Variants in DYNC2H1 observed in about 807,000 individuals in gnomAD.
DYNC2H1 encodes the protein cytoplasmic dynein 2 heavy chain 1.
Under a neutral mutation model 570.0 loss-of-function variants are expected in DYNC2H1, and 410 were observed. The observed-to-expected ratio is 0.72, with a 90% CI of 0.66 to 0.78. DYNC2H1 has a LOEUF of 0.78. Ranked by LOEUF, DYNC2H1 falls within the 30% of genes least tolerant of loss-of-function variation. DYNC2H1 has a pLI of 0.00. For synonymous variants in DYNC2H1, 1,688 were observed against 1,677.6 expected, an observed-to-expected ratio of 1.01 and a Z score of -0.15; for missense variants, 4,865 against 5,046.4, an observed-to-expected ratio of 0.96 and a Z score of 1.09.
At position 103,113,708 on chromosome 11, in the gene DYNC2H1, G is replaced by T; in HGVS notation, c.366+1G>T. ...AGTATTCGCACCAATGTTGTTAAAGGTGAGAAAAGAAGCTGTCATTTTTTT... is the reference window on the plus strand; with the variant it reads ...AGTATTCGCACCAATGTTGTTAAAGTTGAGAAAAGAAGCTGTCATTTTTTT... On this transcript the variant is annotated splice_donor_variant, in intron 2 of 88. Transcript: ENST00000375735. LOFTEE classifies it high-confidence loss of function. 1 of 1,502,930 alleles carries T rather than the reference G, an allele frequency of 6.7e-7. No homozygotes were observed. The highest frequency in any genetic ancestry group is 8.8e-7 in the Non-Finnish European group (1 of 1,134,362). The allele number at this position is 1,502,930 out of a possible 1,614,324, so 93.1% of individuals were successfully genotyped here. A position where few individuals can be genotyped will look rare whatever the true frequency, so the allele number is the denominator to read the frequency against.
Position 103,116,576 on chromosome 11 carries a change from T to G in DYNC2H1, c.628T>G (p.Tyr210Asp), listed in dbSNP as rs560186247. 2 of 1,573,878 alleles carry G rather than the reference T, an allele frequency of 1.3e-6. No individual in the cohort carries two copies. Among genetic ancestry groups the G allele is most frequent in the South Asian group, 2.4e-5 (2 of 82,206 alleles). The change falls in exon 5 of 89, where the codon TAT (tyrosine) becomes GAT (aspartate). Residue 210 changes from tyrosine (Y) to aspartate (D), a missense_variant. Tyr to Asp is a radical substitution (Grantham distance 160, BLOSUM62 -3). Around this residue, in one of 5 missense-constraint regions of DYNC2H1, gnomAD observed 1,936 missense variants for 1,962.1 expected, o/e 0.99. Transcript: ENST00000375735. The stretch of plus-strand genomic sequence containing the variant: ...TTAATGCATTTTTTTCTAGGAGTTT[T>G]ATAACTTGGACAGTCTATCCTTACT... Reference protein sequence around the residue: ...ELFETIAREFYNLDSLSLLEV... With the variant: ...ELFETIAREFDNLDSLSLLEV...
chr11:103,474,801 G>A (rs1285912770), intron 88 of DYNC2H1, among the ~76,000 whole-genome samples: 1 of 152,088 alleles, frequency 6.6e-6, no homozygotes, highest in Non-Finnish European at 1.5e-5. Flanking sequence ...TATAGGGTTT[G>A]GCACCATCCG....
At position 103,158,827 on chromosome 11, in the gene DYNC2H1, A is replaced by G; in HGVS notation, c.4260+18A>G. On this transcript the variant is annotated intron_variant, in intron 27 of 88. Transcript: ENST00000375735. Reference sequence around the variant, plus strand: ...TTTTGGAGGCATGTTTTTTAAGAAAAAAATATATAATAAATTGTAAAGTAC... The same window carrying G: ...TTTTGGAGGCATGTTTTTTAAGAAAGAAATATATAATAAATTGTAAAGTAC... 6.9e-7 allele frequency: 1 copy of G among 1,455,030 alleles called. No individual in the cohort carries two copies. Among genetic ancestry groups the G allele is most frequent in the Non-Finnish European group, 9.2e-7 (1 of 1,086,884 alleles). The allele number at this position is 1,455,030 out of a possible 1,614,324, so 90.1% of individuals were successfully genotyped here.
In DYNC2H1 at chr11:103,440,000, A is replaced by G. The variant is rs1419229076; in HGVS notation, c.12456+3968A>G. Among the ~76,000 whole-genome samples the G allele has an allele frequency of 6.6e-6, 1 of 151,962 alleles. No homozygotes were observed. Among genetic ancestry groups the G allele is most frequent in the East Asian group, 1.9e-4 (1 of 5,180 alleles). On this transcript the variant is annotated intron_variant, in intron 85 of 88. Transcript: ENST00000375735. The surrounding 1 kb of genome is among the most constrained non-coding windows in gnomAD (Gnocchi z 4.1). Reference sequence around the variant, plus strand: ...AGTATATTCTGATTCTTCTGTGATGATCATTCTAAATTCTAGCGTGTTCTC... The same window carrying G: ...AGTATATTCTGATTCTTCTGTGATGGTCATTCTAAATTCTAGCGTGTTCTC...
chr11:103,240,538 C>T (rs1864387622), intron 63 of DYNC2H1, among the ~76,000 whole-genome samples: 1 of 152,144 alleles, frequency 6.6e-6, no homozygotes, highest in Admixed American at 6.6e-5. Context: ...AGCTACAACC[C>T]TGAACGTCAT....
intron 87 of DYNC2H1, among the ~76,000 whole-genome samples, chr11:103,467,047 AAG>A (rs1439096775): frequency 1.3e-5 from 2 of 152,292 alleles, no homozygotes; most frequent in East Asian, 3.9e-4. Flanking sequence ...TTGGAAATGA[AAG>A]AACAAAATGG....
chr11:103,199,581 A>G lies in DYNC2H1; in HGVS notation c.8088+105A>G. The G allele has an allele frequency of 1.8e-6, 2 of 1,138,314 alleles. No individual in the cohort carries two copies. The highest frequency in any genetic ancestry group is 1.2e-6 in the Non-Finnish European group (1 of 864,388). The allele number at this position is 1,138,314 out of a possible 1,614,324, so 70.5% of individuals were successfully genotyped here. On this transcript the variant is annotated intron_variant, in intron 49 of 88. Transcript: ENST00000375735. The surrounding 1 kb of genome is among the most constrained non-coding windows in gnomAD (Gnocchi z 4.6). ...GGTTTAAAGAACTAAAGTTTTAAAGAACATCTTTAAAGAACTAAAGTTCTC... is the reference window on the plus strand; with the variant it reads ...GGTTTAAAGAACTAAAGTTTTAAAGGACATCTTTAAAGAACTAAAGTTCTC...
At position 103,253,342 on chromosome 11, in the gene DYNC2H1, G is replaced by C; in HGVS notation, c.10100G>C (p.Arg3367Pro). The C allele has an allele frequency of 6.2e-7, 1 of 1,613,106 alleles. No individual in the cohort carries two copies. Among genetic ancestry groups the C allele is most frequent in the Non-Finnish European group, 8.5e-7 (1 of 1,179,422 alleles). Residue 3367 changes from arginine (R) to proline (P), a missense_variant, in exon 66 of 89, where the codon CGC becomes CCC. Arg to Pro is a moderately radical substitution (Grantham distance 103, BLOSUM62 -2). This residue lies in a region of DYNC2H1 where 2,401 missense variants were observed against 2,454.6 expected (regional missense o/e 0.98). Transcript: ENST00000375735. ...ATTATTGACTACAATGAAGAATTCC[G>C]CCTCTTTTTGTCAACAAGAAACCCA... is the stretch of plus-strand genomic sequence containing the variant. Reference protein sequence around the residue: ...DKIIDYNEEFRLFLSTRNPNP... With the variant: ...DKIIDYNEEFPLFLSTRNPNP...
chr11:103,455,564 C>A (rs934898252), intron 86 of DYNC2H1, among the ~76,000 whole-genome samples: 9 of 152,140 alleles, frequency 5.9e-5, no homozygotes, highest in Non-Finnish European at 4.4e-5. Flanking sequence ...GTGCTGTCCA[C>A]TATGGTAGCC....
intron 72 of DYNC2H1, among the ~76,000 whole-genome samples, chr11:103,282,641 T>C (rs1866186647): frequency 1.3e-5 from 2 of 151,990 alleles, no homozygotes; most frequent in South Asian, 4.2e-4. Flanking sequence ...TTTGAATACA[T>C]AATGAATAAT....
intron 84 of DYNC2H1, among the ~76,000 whole-genome samples, chr11:103,422,381 A>G (rs1040973400): frequency 2.0e-5 from 3 of 152,170 alleles, no homozygotes; most frequent in Admixed American, 6.6e-5. Context: ...TGGCAGAGAC[A>G]ACAAAAAAAG....
chr11:103,167,894 A>G (rs943246341), intron 31 of DYNC2H1, among the ~76,000 whole-genome samples: 2 of 152,132 alleles, frequency 1.3e-5, no homozygotes, highest in African/African-American at 2.4e-5. Flanking sequence ...TCTGTCCCAC[A>G]TGTGTTCCCT....
Position 103,325,086 on chromosome 11 carries a change from A to G in DYNC2H1, c.12039+1096A>G, listed in dbSNP as rs1938403896. On this transcript the variant is annotated intron_variant, in intron 82 of 88. Transcript: ENST00000375735. This position sits in a 1 kb window ranked among gnomAD's most constrained non-coding sequence, Gnocchi z 4.8. ...TTGTTTTTTGCTTGTTAATTTCTTTAAGTTCCTTATAGATTCTGGACATTG... is the reference window on the plus strand; with the variant it reads ...TTGTTTTTTGCTTGTTAATTTCTTTGAGTTCCTTATAGATTCTGGACATTG... Among the ~76,000 whole-genome samples, 1 of 151,640 alleles carries G rather than the reference A, an allele frequency of 6.6e-6. No individual in the cohort carries two copies. Among genetic ancestry groups the G allele is most frequent in the Non-Finnish European group, 1.5e-5 (1 of 67,940 alleles).
chr11:103,316,655 T>C (rs755185276), intron 80 of DYNC2H1, 35 bp downstream of exon 80: 1 of 1,401,572 alleles, frequency 7.1e-7, no homozygotes, highest in South Asian at 1.6e-5. Flanking sequence ...CTCATATTAA[T>C]AAAATATTTT....
chr11:103,273,251 G>A (rs2135314643), intron 70 of DYNC2H1, among the ~76,000 whole-genome samples: 1 of 150,792 alleles, frequency 6.6e-6, no homozygotes, highest in South Asian at 2.1e-4. Context: ...GTGCAGTAGT[G>A]CGATCTCGGC....
rs1865869138 is a variant in DYNC2H1 at position 103,275,401 on chromosome 11, C to A, written c.10696-4947C>A. Among the ~76,000 whole-genome samples the A allele has an allele frequency of 6.6e-6, 1 of 152,078 alleles. No homozygotes were observed. Among genetic ancestry groups the A allele is most frequent in the South Asian group, 2.1e-4 (1 of 4,822 alleles). ...ATTAAAGTTCACTCTTGGTATTGTACCTTATATGGATTTTGAGAAATTTAA... is the reference window on the plus strand; with the variant it reads ...ATTAAAGTTCACTCTTGGTATTGTAACTTATATGGATTTTGAGAAATTTAA... On this transcript the variant is annotated intron_variant, in intron 70 of 88. Transcript: ENST00000375735. This position sits in a 1 kb window ranked among gnomAD's most constrained non-coding sequence, Gnocchi z 4.8.
intron 17 of DYNC2H1, among the ~76,000 whole-genome samples, chr11:103,136,375 C>A (rs527903048): frequency 6.6e-6 from 1 of 150,976 alleles, no homozygotes; most frequent in South Asian, 2.1e-4. Context: ...TCCCTCCCCC[C>A]TCCCGCCACC....
In DYNC2H1 at chr11:103,239,642, AGTGTGTGT is replaced by A. The variant is rs140380392; in HGVS notation, c.9819+3132_9819+3139del. On this transcript the variant is annotated intron_variant, in intron 63 of 88. Transcript: ENST00000375735. This position sits in a 1 kb window ranked among gnomAD's most constrained non-coding sequence, Gnocchi z 4.3. ...CTCCTGTCTATACACTTCTCATAGG[AGTGTGTGT>A]GTGTGTGTGTGTGTGTGTGTGTGTG... 1.7e-4 allele frequency among the ~76,000 whole-genome samples: 24 copies of A among 140,092 alleles called. No homozygotes were observed. The highest frequency in any genetic ancestry group is 6.3e-4 in the East Asian group (3 of 4,758). The allele number at this position is 140,092 out of a possible 152,430, so 91.9% of individuals were successfully genotyped here.
At chr11:103,333,228 TA>T (rs983904040) in intron 82 of DYNC2H1, among the ~76,000 whole-genome samples, 6 of 152,184 alleles carry the variant, frequency 3.9e-5, no homozygotes, top group Non-Finnish European at 8.8e-5. Flanking sequence ...ATTGTGTGTG[TA>T]AAAAAAGTAG....
Sources: gnomAD v4.1 joint callset for allele counts (sites outside exome capture counted in the v4.1 genomes callset) on GRCh38, gnomAD v4.1.1 for gene constraint, gnomAD v4.1.1 regional missense constraint, Gnocchi (gnomAD v3.1) non-coding constraint, MANE v1.5 for transcripts, NCBI Gene and HGNC (gene_info 2026-07-23, HGNC 2026-07-21) for gene names.